Variants in FREM1 observed in about 807,000 individuals in gnomAD.
FREM1 encodes the protein FRAS1-related extracellular matrix protein 1.
A neutral mutation model predicts 210.1 loss-of-function variants in FREM1; 220 were observed. That is an observed-to-expected ratio of 1.05 (90% CI 0.94 to 1.17). The LOEUF (loss-of-function observed/expected upper bound fraction) is 1.17, where lower values mean the gene tolerates loss of function less well. Ranked by LOEUF, FREM1 falls within the 50% of genes most tolerant of loss-of-function variation. FREM1 has a pLI of 0.00. For missense variants in FREM1, 3,454 were observed against 2,675.5 expected, an observed-to-expected ratio of 1.29 and a Z score of -6.42; for synonymous variants, 1,189 against 980.2, an observed-to-expected ratio of 1.21 and a Z score of -3.98.
chr9:14,886,804 G>A (rs914936407), intron 1 of FREM1, among the ~76,000 whole-genome samples: 2 of 150,872 alleles, frequency 1.3e-5, no homozygotes, highest in African/African-American at 4.9e-5. Context: ...AGACTGAGAT[G>A]GGAGGATCAC....
intron 1 of FREM1, among the ~76,000 whole-genome samples, chr9:14,875,326 T>C (rs1212259553): frequency 3.9e-5 from 6 of 152,204 alleles, no homozygotes; most frequent in Non-Finnish European, 5.9e-5. Context: ...CAGACGTAGA[T>C]TTGGTCTTTT....
At chr9:14,832,354 A>G (rs1190834959) in intron 10 of FREM1, among the ~76,000 whole-genome samples, 1 of 152,184 alleles carries the variant, frequency 6.6e-6, no homozygotes, top group African/African-American at 2.4e-5. Flanking sequence ...TTGACCGTAC[A>G]CAGAGTTGGC....
chr9:14,800,271 G>A (rs1404840770), intron 20 of FREM1, among the ~76,000 whole-genome samples: 1 of 152,148 alleles, frequency 6.6e-6, no homozygotes, highest in Non-Finnish European at 1.5e-5. Flanking sequence ...GGTGCGTTCT[G>A]AAGGCACAGC....
intron 24 of FREM1, among the ~76,000 whole-genome samples, chr9:14,776,726 T>G (rs1023597927): frequency 3.9e-5 from 6 of 152,230 alleles, no homozygotes; most frequent in African/African-American, 2.4e-5. Context: ...GTAAATTTCT[T>G]AATAGCAGAT....
chr9:14,742,189 G>A (rs934368211), intron 35 of FREM1, among the ~76,000 whole-genome samples: 1 of 152,124 alleles, frequency 6.6e-6, no homozygotes, highest in Non-Finnish European at 1.5e-5. Context: ...ACAAATATTT[G>A]TAGTATAGAA....
chr9:14,816,230 C>A (rs1273781189), intron 15 of FREM1, among the ~76,000 whole-genome samples: 1 of 152,088 alleles, frequency 6.6e-6, no homozygotes, highest in Non-Finnish European at 1.5e-5. Flanking sequence ...CAGAGTAATT[C>A]TACCTCTAAA....
At chr9:14,829,528 A>G in intron 10 of FREM1, among the ~76,000 whole-genome samples, 1 of 152,174 alleles carries the variant, frequency 6.6e-6, no homozygotes, top group Admixed American at 6.5e-5. Flanking sequence ...CTCCACCCTC[A>G]TGAATGGGTT....
At chr9:14,825,632 T>C (rs1275622606) in intron 10 of FREM1, among the ~76,000 whole-genome samples, 1 of 149,426 alleles carries the variant, frequency 6.7e-6, no homozygotes, top group African/African-American at 2.5e-5. Flanking sequence ...ACACAAAATA[T>C]GTTCCTGGTT....
At chr9:14,878,742 C>T (rs1834245479) in intron 1 of FREM1, among the ~76,000 whole-genome samples, 1 of 152,008 alleles carries the variant, frequency 6.6e-6, no homozygotes, top group Non-Finnish European at 1.5e-5. Flanking sequence ...TAGAACAATG[C>T]CTGATATATC....
chr9:14,751,359 T>G (rs527522015), intron 29 of FREM1, among the ~76,000 whole-genome samples: 156 of 152,276 alleles, frequency 1.0e-3, no homozygotes, highest in Non-Finnish European at 1.8e-3. Flanking sequence ...CTTAAAAATG[T>G]AACTCTTGGC....
At chr9:14,744,087 G>C (rs1842014962) in intron 35 of FREM1, among the ~76,000 whole-genome samples, 1 of 151,808 alleles carries the variant, frequency 6.6e-6, no homozygotes, top group South Asian at 2.1e-4. Context: ...TATCTTATTT[G>C]ATACCACCAA....
rs573357415 is a variant in FREM1, at chr9:14,859,330, C to T, written c.484G>A (p.Asp162Asn). ...TCCAGGCTAGCCATCCTATCATAATCGAATCTGAGCAGATTTTTATCAATC... is the reference window on the plus strand; with the variant it reads ...TCCAGGCTAGCCATCCTATCATAATTGAATCTGAGCAGATTTTTATCAATC... ...QAIDKNLLRF[D>N]YDRMASLECT... Residue 162 changes from aspartate (D) to asparagine (N), a missense_variant, in exon 4 of 37, where the codon GAT becomes AAT. Transcript: ENST00000380880. 8.7e-6 allele frequency: 14 copies of T among 1,613,886 alleles called. No homozygotes were observed. The highest frequency in any genetic ancestry group is 4.4e-5 in the South Asian group (4 of 91,068).
chr9:14,759,769 T>C lies in FREM1; in HGVS notation c.5334+3A>G, dbSNP rs1464827489. On this transcript the variant is annotated splice_donor_region_variant and intron_variant, in intron 28 of 36. Transcript: ENST00000380880. ...TTGATAATTTACATTTCAGAGTCAT[T>C]ACCTTTATACCCACAAAGGCCGAGT... 6.3e-7 allele frequency: 1 copy of C among 1,592,126 alleles called. No homozygotes were observed.
intron 21 of FREM1, among the ~76,000 whole-genome samples, chr9:14,795,267 A>G (rs12338615): frequency 0.31 from 46,984 of 152,068 alleles, 7,806 homozygotes; most frequent in East Asian, 0.48. Flanking sequence ...GGATACCACT[A>G]TTGTCCTCAT....
At chr9:14,865,785 C>G (rs1284370895) in intron 2 of FREM1, among the ~76,000 whole-genome samples, 2 of 151,570 alleles carry the variant, frequency 1.3e-5, no homozygotes, top group South Asian at 4.2e-4. Context: ...CGTTAAAAAC[C>G]AAGCACAAAT....
chr9:14,793,755 G>T (rs150340421), intron 21 of FREM1, among the ~76,000 whole-genome samples: 12 of 152,320 alleles, frequency 7.9e-5, no homozygotes, highest in Admixed American at 3.3e-4. Context: ...AAGGATACTT[G>T]AGAACCAGCA....
chr9:14,844,225 C>CTTT (rs35686371), intron 8 of FREM1, among the ~76,000 whole-genome samples: 8 of 138,782 alleles, frequency 5.8e-5, no homozygotes, highest in African/African-American at 7.8e-5. Context: ...ACAACTCTTC[C>CTTT]TTTTTTTTTT....
chr9:14,740,681 T>C (rs1259750021), intron 35 of FREM1, among the ~76,000 whole-genome samples: 1 of 152,232 alleles, frequency 6.6e-6, no homozygotes, highest in African/African-American at 2.4e-5. Context: ...CAGGTTTAAA[T>C]TTGGAGCTTA....
At chr9:14,902,855 TC>T (rs1414283320) in intron 1 of FREM1, among the ~76,000 whole-genome samples, 1 of 152,212 alleles carries the variant, frequency 6.6e-6, no homozygotes, top group Non-Finnish European at 1.5e-5. Context: ...TTATTTTACT[TC>T]CTTTTGCTGT....
Sources: allele counts gnomAD v4.1 joint callset (sites outside exome capture counted in the v4.1 genomes callset), GRCh38; gene constraint gnomAD v4.1.1; transcripts MANE v1.5; gene names NCBI Gene and HGNC (gene_info 2026-07-23, HGNC 2026-07-21).